The following AGAP1 variants were observed in gnomAD, a reference collection of about 807,000 sequenced individuals.
The protein encoded by AGAP1 is ArfGAP with GTPase domain, ankyrin repeat and PH domain 1.
Under a neutral mutation model 105.3 loss-of-function variants are expected in AGAP1, and 29 were observed. That is an observed-to-expected ratio of 0.28 (90% confidence interval 0.21 to 0.38). The LOEUF (loss-of-function observed/expected upper bound fraction) is 0.38. AGAP1 is among the 10% of genes least tolerant of loss of function. The pLI is 1.00. For missense variants in AGAP1, 998 were observed against 1,165.1 expected, an observed-to-expected ratio of 0.86 and a Z score of 2.09; for synonymous variants, 509 against 485.9, an observed-to-expected ratio of 1.05 and a Z score of -0.63.
intron 6 of AGAP1, among the ~76,000 whole-genome samples, chr2:235,760,188 C>T (rs1372590960): frequency 6.6e-6 from 1 of 152,158 alleles, no homozygotes; most frequent in Non-Finnish European, 1.5e-5. Context: ...TGAGACCAGC[C>T]TGGCCAACAT....
At chr2:235,759,139 T>TA (rs139193756) in intron 6 of AGAP1, among the ~76,000 whole-genome samples, 7,241 of 150,620 alleles carry the variant, frequency 0.048, 623 homozygotes, top group African/African-American at 0.17. Context: ...CTGGTGTCGT[T>TA]AGCCCTAGGG....
intron 6 of AGAP1, among the ~76,000 whole-genome samples, chr2:235,771,999 C>T (rs117993231): frequency 0.24 from 32,980 of 134,834 alleles, 4,352 homozygotes; most frequent in Admixed American, 0.39. Context: ...CTTTTCTTAT[C>T]TTTTTTTTTT....
In AGAP1 at chr2:235,970,772, CGGTGAGTTTGAA is replaced by C. The variant is rs1309205135; in HGVS notation, c.1645+2152_1645+2163del. On this transcript the variant is annotated intron_variant, in intron 13 of 17. Coordinates refer to ENST00000304032, the MANE Select transcript of AGAP1 (RefSeq NM_001037131.3). The surrounding 1 kb of genome is among the most constrained non-coding windows in gnomAD (Gnocchi z 5.4). Reference sequence around the variant, plus strand: ...CACCACCCAGTGTTCCATTCAGCACCGGTGAGTTTGAAGGAAGTTTGACAAGTGACCGTGACC... The same window carrying C: ...CACCACCCAGTGTTCCATTCAGCACCGGAAGTTTGACAAGTGACCGTGACC... Among the ~76,000 whole-genome samples, 1 of 152,152 alleles carries C rather than the reference CGGTGAGTTTGAA, an allele frequency of 6.6e-6. No individual in the cohort carries two copies. The highest frequency in any genetic ancestry group is 6.5e-5 in the Admixed American group (1 of 15,276).
At position 235,887,905 on chromosome 2, in the gene AGAP1, G is replaced by A. The variant is rs1002468038; in HGVS notation, c.1155+4456G>A. ...CGCCAGGCTTGCAGTTGTATTAAAC[G>A]TGGAAGATTCAGACAGAGATGAGAT... On this transcript the variant is annotated intron_variant, in intron 10 of 17. Coordinates refer to ENST00000304032, the MANE Select transcript of AGAP1 (RefSeq NM_001037131.3). This position sits in a 1 kb window ranked among gnomAD's most constrained non-coding sequence, Gnocchi z 4.1. Among the ~76,000 whole-genome samples the A allele has an allele frequency of 2.6e-5, 4 of 152,152 alleles. No homozygotes were observed. Among genetic ancestry groups the A allele is most frequent in the Non-Finnish European group, 4.4e-5 (3 of 68,018 alleles).
At chr2:235,641,879 C>T (rs779429254) in intron 1 of AGAP1, among the ~76,000 whole-genome samples, 3 of 152,288 alleles carry the variant, frequency 2.0e-5, no homozygotes, top group Non-Finnish European at 4.4e-5. Flanking sequence ...GAATTATTAG[C>T]ATTTTCTGCA....
chr2:235,715,126 C>T lies in AGAP1; in HGVS notation c.223-2431C>T, dbSNP rs190373905. On this transcript the variant is annotated intron_variant, in intron 2 of 17. Coordinates refer to ENST00000304032, the MANE Select transcript of AGAP1 (RefSeq NM_001037131.3). ...GTTTGTTCTTAATAGCTATTGGCTT[C>T]ATCATCTACTTAACCAACGTTCCTT... 8.9e-4 allele frequency among the ~76,000 whole-genome samples: 135 copies of T among 152,296 alleles called. 3 individuals carry two copies. In the East Asian group the frequency reaches 0.02, roughly 23 times the overall value.
chr2:235,798,977 T>TC (rs1322979609), intron 7 of AGAP1, among the ~76,000 whole-genome samples: 1 of 152,220 alleles, frequency 6.6e-6, no homozygotes, highest in African/African-American at 2.4e-5. Context: ...GGTGTCATTT[T>TC]CATAATGTTG....
intron 1 of AGAP1, among the ~76,000 whole-genome samples, chr2:235,587,831 ACACTCAGCCC>A (rs1191979774): frequency 2.0e-5 from 3 of 151,768 alleles, no homozygotes; most frequent in African/African-American, 7.3e-5. Flanking sequence ...TCAGGAGCTA[ACACTCAGCCC>A]CACAGGGGTC....
intron 1 of AGAP1, chr2:235,670,184 T>C (rs1178279212): frequency 1.7e-6 from 1 of 584,676 alleles, no homozygotes; most frequent in South Asian, 1.7e-5. Context: ...AAAGACTGTC[T>C]ACCGCATCTC....
intron 1 of AGAP1, among the ~76,000 whole-genome samples, chr2:235,501,174 G>A (rs1941546694): frequency 6.6e-6 from 1 of 152,158 alleles, no homozygotes; most frequent in East Asian, 1.9e-4. Context: ...GCTGTCAGGG[G>A]CATCTGTCAG....
At chr2:235,835,355 T>C (rs1022799599) in intron 9 of AGAP1, among the ~76,000 whole-genome samples, 23 of 152,234 alleles carry the variant, frequency 1.5e-4, no homozygotes, top group African/African-American at 5.5e-4. Flanking sequence ...TTTCTTGGTT[T>C]TCAAATACAC....
At chr2:235,813,721 G>A (rs1027983234) in intron 9 of AGAP1, among the ~76,000 whole-genome samples, 9 of 152,228 alleles carry the variant, frequency 5.9e-5, no homozygotes, top group African/African-American at 2.2e-4. Flanking sequence ...GTGACCATCA[G>A]CTCAGTTAGT....
At chr2:235,991,603 G>A (rs1313332591) in intron 13 of AGAP1, among the ~76,000 whole-genome samples, 5 of 152,272 alleles carry the variant, frequency 3.3e-5, no homozygotes, top group Admixed American at 1.3e-4. Context: ...ATTATTTTGC[G>A]AGGTTGGTGC....
At chr2:235,563,453 A>G (rs1463181159) in intron 1 of AGAP1, among the ~76,000 whole-genome samples, 1 of 152,170 alleles carries the variant, frequency 6.6e-6, no homozygotes, top group Non-Finnish European at 1.5e-5. Context: ...GGCAGAAACT[A>G]AGATGCCTCG....
chr2:235,511,414 A>AG (rs780257856), intron 1 of AGAP1, among the ~76,000 whole-genome samples: 2 of 151,886 alleles, frequency 1.3e-5, no homozygotes, highest in Non-Finnish European at 2.9e-5. Context: ...CAGGAGCCGC[A>AG]GGGGGCTCAG....
intron 1 of AGAP1, among the ~76,000 whole-genome samples, chr2:235,536,667 A>G (rs1406692533): frequency 7.3e-6 from 1 of 137,212 alleles, no homozygotes; most frequent in Non-Finnish European, 1.6e-5. Flanking sequence ...ACACACACAC[A>G]CACACACACA....
intron 9 of AGAP1, among the ~76,000 whole-genome samples, chr2:235,833,708 T>C (rs1959742734): frequency 6.6e-6 from 1 of 152,078 alleles, no homozygotes; most frequent in Non-Finnish European, 1.5e-5. Flanking sequence ...TTTAAAGATA[T>C]TTATCAAATG....
intron 13 of AGAP1, among the ~76,000 whole-genome samples, chr2:236,033,749 C>A (rs1038193936): frequency 1.3e-5 from 2 of 152,224 alleles, no homozygotes; most frequent in African/African-American, 2.4e-5. Context: ...TGCACCCATA[C>A]AGTGTAATAC....
rs866640574 is a variant in AGAP1 at position 235,993,731 on chromosome 2, T to C, written c.1645+25108T>C. Among the ~76,000 whole-genome samples the C allele has an allele frequency of 1.3e-5, 2 of 152,190 alleles. No homozygotes were observed. Among genetic ancestry groups the C allele is most frequent in the Non-Finnish European group, 2.9e-5 (2 of 68,042 alleles). On this transcript the variant is annotated intron_variant, in intron 13 of 17. Transcript: ENST00000304032. This position sits in a 1 kb window ranked among gnomAD's most constrained non-coding sequence, Gnocchi z 5.0. ...GAAAATACCCTAGTTTAACTTAAAC[T>C]CTTTCTTACCAAACCAGCTATGCCA...
Sources: gnomAD v4.1 joint callset for allele counts (sites outside exome capture counted in the v4.1 genomes callset) on GRCh38, gnomAD v4.1.1 for gene constraint, Gnocchi (gnomAD v3.1) non-coding constraint, MANE v1.5 for transcripts, NCBI Gene and HGNC (gene_info 2026-07-23, HGNC 2026-07-21) for gene names.